AKR7A2: variants seen among roughly 807,000 people sequenced by gnomAD.
The protein encoded by AKR7A2 is aldo-keto reductase family 7 member A2, also known as aflatoxin B1 aldehyde reductase member 2.
A neutral mutation model predicts 37.3 loss-of-function variants in AKR7A2; 29 were observed. The ratio of observed to expected loss-of-function variants is 0.78; its 90% CI spans 0.58 to 1.06. The LOEUF is 1.06. Among genes scored for constraint, AKR7A2 ranks in the 50% least tolerant of loss-of-function variants. The pLI is 0.00. For synonymous variants in AKR7A2, 228 were observed against 217.8 expected (o/e 1.05, Z -0.41); for missense variants, 529 against 497.9 (o/e 1.06, Z -0.59).
At position 19,312,093 on chromosome 1, in the gene AKR7A2, CG is replaced by C; in HGVS notation, c.31del (p.Arg11AlafsTer90). 7.5e-7 allele frequency: 1 copy of C among 1,334,240 alleles called. No homozygotes were observed. 82.7% of individuals were successfully genotyped at this position (1,334,240 alleles called of 1,614,324 possible). A position where few individuals can be genotyped will look rare whatever the true frequency, so the allele number is the denominator to read the frequency against. On this transcript the variant is annotated frameshift_variant, in exon 1 of 7. Transcript: ENST00000235835. LOFTEE classifies it high-confidence loss of function. The part of the protein sequence containing the change: MLSAASRVVS[R>X]AAVHCALRSP... ...GCGAAGCGCGCAGTGGACGGCGGCG[CG>C]GGAGACTACGCGAGACGCGGCACTC...
intron 1 of AKR7A2, among the ~76,000 whole-genome samples, chr1:19,310,063 G>A (rs567700688): frequency 2.0e-5 from 3 of 151,134 alleles, no homozygotes; most frequent in South Asian, 4.2e-4. Context: ...GCGACAGAGT[G>A]AGACTCTGTG....
Position 19,304,022 on chromosome 1 carries a change from A to T in AKR7A2, c.*203T>A. 1 of 830,308 alleles carries T rather than the reference A, an allele frequency of 1.2e-6. No individual in the cohort carries two copies. The highest frequency in any genetic ancestry group is 1.9e-6 in the Non-Finnish European group (1 of 519,118). The allele number at this position is 830,308 out of a possible 1,614,324, so 51.4% of individuals were successfully genotyped here. On this transcript the variant is annotated 3_prime_UTR_variant, in exon 7 of 7. Transcript: ENST00000235835. ...CCAGGTCAAGTGCCTGCTTTATTCA[A>T]CAGGAAGCGCTCAAGTGGGACTCAC...
rs141023615 is a variant in AKR7A2, at chr1:19,307,003, G to C, written c.787C>G (p.Arg263Gly). Residue 263 changes from arginine to glycine, a missense_variant and splice_region_variant, in exon 5 of 7, where the codon CGC becomes GGC. Transcript: ENST00000235835. ...TCACCAAGCCCACCCCCGGCTCACC[G>C]ATTCCTGTAGGTCTCAGCCCAGCTA... ...GNSWAETYRN[R>G]FWKEHHFEAI... 3 of 1,613,612 alleles carry C rather than the reference G, an allele frequency of 1.9e-6. No homozygotes were observed. The highest frequency in any genetic ancestry group is 2.5e-6 in the Non-Finnish European group (3 of 1,179,812).
At chr1:19,309,293 T>G (rs2093768008) in intron 1 of AKR7A2, among the ~76,000 whole-genome samples, 1 of 152,178 alleles carries the variant, frequency 6.6e-6, no homozygotes, top group Non-Finnish European at 1.5e-5. Flanking sequence ...AATCTGAACT[T>G]GATCATTCCA....
intron 6 of AKR7A2, among the ~76,000 whole-genome samples, chr1:19,304,755 G>A (rs1341073798): frequency 1.3e-5 from 2 of 152,130 alleles, no homozygotes; most frequent in Admixed American, 6.6e-5. Context: ...GGGCAACAGA[G>A]AGAGACTCTG....
At chr1:19,305,906 A>T in intron 6 of AKR7A2, 112 bp downstream of exon 6, 1 of 1,578,350 alleles carries the variant, frequency 6.3e-7, no homozygotes, top group Non-Finnish European at 8.7e-7. Context: ...TGAGAATTGG[A>T]AGAAAGAAAA....
chr1:19,311,767 A>G, intron 1 of AKR7A2, 60 bp downstream of exon 1: 3 of 1,602,330 alleles, frequency 1.9e-6, no homozygotes, highest in Non-Finnish European at 2.6e-6. Flanking sequence ...GGGGTGGTGC[A>G]CGGCTGGGGA....
intron 1 of AKR7A2, among the ~76,000 whole-genome samples, chr1:19,309,036 G>A (rs947994620): frequency 6.6e-6 from 1 of 152,182 alleles, no homozygotes; most frequent in African/African-American, 2.4e-5. Context: ...AGCCAACTTG[G>A]AGACTCCAGG....
chr1:19,306,963 C>CCA, intron 5 of AKR7A2, 39 bp downstream of exon 5: 1 of 1,578,890 alleles, frequency 6.3e-7, no homozygotes. Flanking sequence ...AGATTTGACC[C>CCA]CACCCCAGCC....
Position 19,308,527 on chromosome 1 carries a change from G to A in AKR7A2, c.414C>T (p.Phe138=). ...TGCCGTGGTCAGGTGCGTGTAGGTA[G>A]AAGAGGTCCACTTGGGGACACTGCA... ...KRLQCPQVDL[F]YLHAPDHGTP... The change falls in exon 2 of 7, where the codon TTC becomes TTT. Residue 138 remains phenylalanine (F), a synonymous_variant. Coordinates refer to ENST00000235835, the MANE Select transcript of AKR7A2 (RefSeq NM_003689.4). 1 of 1,614,220 alleles carries A rather than the reference G, an allele frequency of 6.2e-7. No individual in the cohort carries two copies. Among genetic ancestry groups the A allele is most frequent in the Non-Finnish European group, 8.5e-7 (1 of 1,180,042 alleles).
In AKR7A2 at chr1:19,306,123, C is replaced by A; in HGVS notation, c.813G>T (p.Glu271Asp). Reference protein sequence around the residue: ...RNRFWKEHHFEAIALVEKALQ... With the variant: ...RNRFWKEHHFDAIALVEKALQ... ...GGGCCTTCTCCACCAACGCAATGGC[C>A]TCGAAGTGGTGCTCCTTCCAGAAGC... The change falls in exon 6 of 7, where the codon GAG (glutamate) becomes GAT (aspartate). Residue 271 changes from glutamate to aspartate, a missense_variant. Physicochemically the swap from Glu to Asp is conservative, Grantham distance 45. Coordinates refer to ENST00000235835, the MANE Select transcript of AKR7A2 (RefSeq NM_003689.4). The A allele has an allele frequency of 6.2e-7, 1 of 1,614,212 alleles. No individual in the cohort carries two copies. The highest frequency in any genetic ancestry group is 8.5e-7 in the Non-Finnish European group (1 of 1,180,020).
chr1:19,308,761 T>A (rs145318733), intron 1 of AKR7A2, 119 bp from the exon 2 acceptor site: 668 of 1,027,062 alleles, frequency 6.5e-4, no homozygotes, highest in Non-Finnish European at 8.9e-4. Flanking sequence ...AATGGGGTGA[T>A]AATAATCAAA....
chr1:19,307,534 G>T, intron 3 of AKR7A2, 124 bp from the exon 4 acceptor site: 1 of 1,024,202 alleles, frequency 9.8e-7, no homozygotes, highest in Non-Finnish European at 1.5e-6. Context: ...CATCACTACT[G>T]TTAGTAGGGG....
rs757576144 is a variant in AKR7A2 at position 19,304,395 on chromosome 1, G to C, written c.919-9C>G. 3.7e-6 allele frequency: 6 copies of C among 1,613,926 alleles called. No individual in the cohort carries two copies. The highest frequency in any genetic ancestry group is 3.3e-5 in the Admixed American group (2 of 59,998). The stretch of plus-strand genomic sequence containing the variant: ...GCGTCCCCGTGGGCACCCTGCAAGG[G>C]AGACGGCCAGACTTCAACCCTCTTC... On this transcript the variant is annotated splice_polypyrimidine_tract_variant and intron_variant, in intron 6 of 6. Transcript: ENST00000235835.
chr1:19,311,123 C>T (rs1413140239), intron 1 of AKR7A2, among the ~76,000 whole-genome samples: 2 of 152,240 alleles, frequency 1.3e-5, no homozygotes, highest in Non-Finnish European at 2.9e-5. Context: ...TTTGCTGAGC[C>T]TTCCCTAGTG....
At chr1:19,311,602 C>T (rs1198730453) in intron 1 of AKR7A2, among the ~76,000 whole-genome samples, 1 of 151,912 alleles carries the variant, frequency 6.6e-6, no homozygotes, top group East Asian at 1.9e-4. Context: ...TGGGGGGAGA[C>T]TCTCGCGCTG....
At chr1:19,307,262 G>T in intron 4 of AKR7A2, 52 bp downstream of exon 4, 1 of 1,610,366 alleles carries the variant, frequency 6.2e-7, no homozygotes, top group Non-Finnish European at 8.5e-7. Context: ...TCTGGGCTGG[G>T]CATCTGTGGG....
At position 19,306,994 on chromosome 1, in the gene AKR7A2, C is replaced by A; in HGVS notation, c.788+8G>T. 1 of 1,613,882 alleles carries A rather than the reference C, an allele frequency of 6.2e-7. No individual in the cohort carries two copies. The highest frequency in any genetic ancestry group is 8.5e-7 in the Non-Finnish European group (1 of 1,179,762). ...CAGCCATCCTCACCAAGCCCACCCC[C>A]GGCTCACCGATTCCTGTAGGTCTCA... On this transcript the variant is annotated splice_region_variant and intron_variant, in intron 5 of 6. Transcript: ENST00000235835.
Position 19,307,321 on chromosome 1 carries a change from A to T in AKR7A2, c.681T>A (p.Pro227=), listed in dbSNP as rs368181869. 1.4e-4 allele frequency: 231 copies of T among 1,613,162 alleles called. No homozygotes were observed. The highest frequency in any genetic ancestry group is 4.8e-4 in the Admixed American group (29 of 59,998). Residue 227 remains proline, a synonymous_variant, in exon 4 of 7, where the codon CCT becomes CCA. Transcript: ENST00000235835. ...HFGLRFYAYN[P]LAGGLLTGKY... is the part of the protein sequence containing the mutation. ...CAGGAATGCTCCACGTACCAGCCAG[A>T]GGGTTGTAGGCATAGAACCTCAGTC...
Sources: allele counts gnomAD v4.1 joint callset (sites outside exome capture counted in the v4.1 genomes callset), GRCh38; gene constraint gnomAD v4.1.1; transcripts MANE v1.5; gene names NCBI Gene and HGNC (gene_info 2026-07-23, HGNC 2026-07-21).